TSPAN12: variants seen among roughly 807,000 people sequenced by gnomAD.
TSPAN12 encodes the protein tetraspanin-12.
TSPAN12 carries 19 observed loss-of-function variants against 39.2 expected under a neutral mutation model. The ratio of observed to expected loss-of-function variants is 0.49; its 90% CI spans 0.34 to 0.71. The LOEUF is 0.71. TSPAN12 is among the 30% of genes least tolerant of loss of function. TSPAN12 has a pLI of 0.01. For synonymous variants in TSPAN12, 119 were observed against 124.8 expected (o/e 0.95, Z 0.31); for missense variants, 314 against 359.9 (o/e 0.87, Z 1.03).
At chr7:120,821,280 C>A (rs559029767) in intron 4 of TSPAN12, among the ~76,000 whole-genome samples, 2 of 152,116 alleles carry the variant, frequency 1.3e-5, no homozygotes, top group African/African-American at 4.8e-5. Context: ...ATAGGATACA[C>A]CCCCTAAATG....
At chr7:120,832,855 T>C (rs1292822797) in intron 4 of TSPAN12, among the ~76,000 whole-genome samples, 1 of 152,168 alleles carries the variant, frequency 6.6e-6, no homozygotes, top group African/African-American at 2.4e-5. Context: ...GTTCATTTTA[T>C]AATAAGCATA....
chr7:120,815,922 C>T lies in TSPAN12; in HGVS notation c.286-119G>A, dbSNP rs1041300707. 10 of 827,428 alleles carry T rather than the reference C, an allele frequency of 1.2e-5. No homozygotes were observed. The African/African-American group carries it at 1.4e-4, about 11-fold the overall frequency. The allele number at this position is 827,428 out of a possible 1,614,324, so 51.3% of individuals were successfully genotyped here. ...AAAACAGAGGCAAGTTTTCATGAAG[C>T]CCCTCAGAAGCAGATGGGGAAATTA... is the stretch of plus-strand genomic sequence containing the variant. On this transcript the variant is annotated intron_variant, in intron 4 of 7. Transcript: ENST00000222747.
At chr7:120,856,595 GTAAT>G (rs1794874248) in intron 2 of TSPAN12, 99 bp downstream of exon 2, 8 of 1,174,086 alleles carry the variant, frequency 6.8e-6, no homozygotes, top group African/African-American at 4.5e-5. Context: ...GTTATCCCAT[GTAAT>G]TAATTAATGC....
intron 7 of TSPAN12, among the ~76,000 whole-genome samples, chr7:120,799,642 TATATATAATTAAATATATAAAA>T (rs1347540381): frequency 3.0e-5 from 3 of 99,862 alleles, no homozygotes; most frequent in East Asian, 2.8e-4. Context: ...TATATATACT[TATATATAATTAAATATATAAAA>T]ATATATAATT....
intron 7 of TSPAN12, among the ~76,000 whole-genome samples, chr7:120,801,330 T>C (rs1172048832): frequency 2.0e-5 from 3 of 152,170 alleles, no homozygotes; most frequent in African/African-American, 7.2e-5. Flanking sequence ...TTGTCAATGT[T>C]TTCTAGCATT....
At chr7:120,833,323 G>A (rs1269371258) in intron 4 of TSPAN12, among the ~76,000 whole-genome samples, 1 of 151,764 alleles carries the variant, frequency 6.6e-6, no homozygotes, top group Non-Finnish European at 1.5e-5. Context: ...TGTAAGAGAA[G>A]GCCTTAAACA....
chr7:120,820,882 C>T (rs899319092), intron 4 of TSPAN12, among the ~76,000 whole-genome samples: 3 of 152,062 alleles, frequency 2.0e-5, no homozygotes, highest in African/African-American at 7.2e-5. Context: ...TCTGCCTACA[C>T]ATTTCTATTT....
At chr7:120,853,170 T>C (rs1346744040) in intron 2 of TSPAN12, among the ~76,000 whole-genome samples, 2 of 151,572 alleles carry the variant, frequency 1.3e-5, no homozygotes, top group Non-Finnish European at 2.9e-5. Context: ...CTCTGCTAAC[T>C]GCAACCTCTG....
At chr7:120,798,417 G>A (rs1793675291) in intron 7 of TSPAN12, among the ~76,000 whole-genome samples, 1 of 152,158 alleles carries the variant, frequency 6.6e-6, no homozygotes, top group South Asian at 2.1e-4. Context: ...AAAGAACCCT[G>A]AGAATGGAAA....
At position 120,825,100 on chromosome 7, in the gene TSPAN12, A is replaced by C. The variant is rs189140991; in HGVS notation, c.286-9297T>G. Among the ~76,000 whole-genome samples the C allele has an allele frequency of 3.0e-3, 455 of 152,324 alleles. 3 individuals carry two copies. The highest frequency in any genetic ancestry group is 0.011 in the African/African-American group (439 of 41,576). ...TTTTCTATATAAATGCCACTGCAAA[A>C]GAATTTTTACATTAAAAGAATTGTA... On this transcript the variant is annotated intron_variant, in intron 4 of 7. Transcript: ENST00000222747.
chr7:120,789,015 G>A, intron 7 of TSPAN12, 118 bp from the exon 8 acceptor site: 1 of 1,039,640 alleles, frequency 9.6e-7, no homozygotes, highest in Non-Finnish European at 1.4e-6. Flanking sequence ...GGATCATAAA[G>A]TTTAAGACAG....
Position 120,799,540 on chromosome 7 carries a change from A to T in TSPAN12, c.612+7009T>A, listed in dbSNP as rs1271879269. 5.5e-5 allele frequency among the ~76,000 whole-genome samples: 6 copies of T among 108,288 alleles called. No individual in the cohort carries two copies. The East Asian group carries it at 6.8e-4, about 12-fold the overall frequency. 71.0% of individuals were successfully genotyped at this position (108,288 alleles called of 152,430 possible). On this transcript the variant is annotated intron_variant, in intron 7 of 7. Transcript: ENST00000222747. ...TATAATTAATTATATATAATTATAT[A>T]TAATTATATATATAATTAAATATAA... is the stretch of plus-strand genomic sequence containing the variant.
At chr7:120,790,559 G>A (rs1479775764) in intron 7 of TSPAN12, among the ~76,000 whole-genome samples, 3 of 152,130 alleles carry the variant, frequency 2.0e-5, no homozygotes, top group African/African-American at 4.8e-5. Flanking sequence ...GGAAAAGTAC[G>A]AGGCACAACA....
intron 7 of TSPAN12, among the ~76,000 whole-genome samples, chr7:120,799,927 T>C (rs2116324976): frequency 6.9e-6 from 1 of 144,870 alleles, no homozygotes; most frequent in Non-Finnish European, 1.5e-5. Flanking sequence ...TAAATATTTA[T>C]TATAATAGAA....
intron 7 of TSPAN12, among the ~76,000 whole-genome samples, chr7:120,801,557 A>G (rs1793771329): frequency 6.6e-6 from 1 of 152,236 alleles, no homozygotes; most frequent in Admixed American, 6.5e-5. Context: ...GAAGCAGCCA[A>G]TATATTTGAA....
Position 120,849,045 on chromosome 7 carries a change from C to A in TSPAN12, c.66+7653G>T, listed in dbSNP as rs1047748958. 2.9e-4 allele frequency among the ~76,000 whole-genome samples: 44 copies of A among 152,204 alleles called. 1 individual carries two copies. The highest frequency in any genetic ancestry group is 2.6e-3 in the Admixed American group (40 of 15,282). ...AAAATAATCCTTCAAATGCCACTCA[C>A]ATTGGCTAAATTATTAGGAACATTA... is the stretch of plus-strand genomic sequence containing the variant. On this transcript the variant is annotated intron_variant, in intron 2 of 7. Coordinates refer to ENST00000222747, the MANE Select transcript of TSPAN12 (RefSeq NM_012338.4).
chr7:120,805,638 C>T (rs1160336977), intron 7 of TSPAN12, among the ~76,000 whole-genome samples: 2 of 152,050 alleles, frequency 1.3e-5, no homozygotes, highest in Non-Finnish European at 2.9e-5. Context: ...TCACATTTTA[C>T]ATTTCCATTC....
In TSPAN12 at chr7:120,815,784, A is replaced by G; in HGVS notation, c.305T>C (p.Val102Ala). 6.2e-7 allele frequency: 1 copy of G among 1,612,964 alleles called. No individual in the cohort carries two copies. The highest frequency in any genetic ancestry group is 1.7e-4 in the Middle Eastern group (1 of 6,056). The part of the protein sequence containing the change: ...LLAWYFGSLL[V>A]IFCVELACGV... ...ACAAGCCAGTTCTACACAGAAAATG[A>G]CAAGCAAACTTCCAAAGTACTGTAG... The change falls in exon 5 of 8, where the codon GTC becomes GCC. Residue 102 changes from valine (V) to alanine (A), a missense_variant. Physicochemically the swap from Val to Ala is moderately conservative, Grantham distance 64. Transcript: ENST00000222747.
intron 7 of TSPAN12, among the ~76,000 whole-genome samples, chr7:120,798,107 T>C (rs1026346341): frequency 2.0e-5 from 3 of 152,122 alleles, no homozygotes; most frequent in Non-Finnish European, 4.4e-5. Flanking sequence ...ATAGACAGAA[T>C]AGAGAACAGG....
Sources: gnomAD v4.1 joint callset for allele counts (sites outside exome capture counted in the v4.1 genomes callset) on GRCh38, gnomAD v4.1.1 for gene constraint, MANE v1.5 for transcripts, NCBI Gene and HGNC (gene_info 2026-07-23, HGNC 2026-07-21) for gene names.